Variants in PPP1R12A observed in about 807,000 individuals in gnomAD.
PPP1R12A encodes the protein protein phosphatase 1 regulatory subunit 12A.
In PPP1R12A, 19 loss-of-function variants were observed where a neutral mutation model predicts 139.6. The observed-to-expected ratio is 0.14, with a 90% confidence interval of 0.09 to 0.20. PPP1R12A has a LOEUF of 0.20. Among genes scored for constraint, PPP1R12A ranks in the 10% least tolerant of loss-of-function variants. PPP1R12A has a pLI of 1.00. For synonymous variants in PPP1R12A, 427 were observed against 420.6 expected (o/e 1.02, Z -0.19); for missense variants, 925 against 1,211.5 (o/e 0.76, Z 3.51).
intron 21 of PPP1R12A, chr12:79,787,860 TTC>T (rs1335058681): frequency 2.0e-5 from 3 of 152,232 alleles, no homozygotes; most frequent in African/African-American, 7.2e-5. Flanking sequence ...AAAATTGCTT[TTC>T]TACTTCAAGT....
At chr12:79,788,613 AC>A (rs1871404664) in intron 21 of PPP1R12A, 34 bp downstream of exon 21, 2 of 1,536,818 alleles carry the variant, frequency 1.3e-6, no homozygotes, top group Non-Finnish European at 1.8e-6. Flanking sequence ...ATAAAAGATA[AC>A]TTTTTATTAA....
chr12:79,849,550 G>T (rs2656029), intron 2 of PPP1R12A, among the ~76,000 whole-genome samples: 1 of 152,052 alleles, frequency 6.6e-6, no homozygotes, highest in African/African-American at 2.4e-5. Context: ...GAAGCTACTT[G>T]TGTGGCTATT....
At chr12:79,802,194 A>G (rs1873270260) in intron 14 of PPP1R12A, among the ~76,000 whole-genome samples, 1 of 152,332 alleles carries the variant, frequency 6.6e-6, no homozygotes, top group East Asian at 1.9e-4. Context: ...AAGGTCTGTG[A>G]TACAATCAGA....
intron 3 of PPP1R12A, 171 bp from the exon 4 acceptor site, chr12:79,832,662 T>C: frequency 1.9e-6 from 1 of 522,124 alleles, no homozygotes; most frequent in Non-Finnish European, 3.1e-6. Context: ...GGGGATATTG[T>C]AGACCTTGTA....
At chr12:79,815,092 C>A (rs1306538530) in intron 9 of PPP1R12A, among the ~76,000 whole-genome samples, 1 of 152,100 alleles carries the variant, frequency 6.6e-6, no homozygotes, top group South Asian at 2.1e-4. Context: ...TAAAGTATTT[C>A]TTTTCAGTTA....
In PPP1R12A at chr12:79,776,906, T is replaced by C. The variant is rs148085018; in HGVS notation, c.3007-891A>G. Among the ~76,000 whole-genome samples the C allele has an allele frequency of 2.6e-4, 40 of 152,286 alleles. No individual in the cohort carries two copies. In the East Asian group the frequency reaches 5.2e-3, roughly 20 times the overall value. On this transcript the variant is annotated intron_variant, in intron 24 of 24. Transcript: ENST00000450142. ...AGTTTTCAAAATGTATTAGTTTATCTAACTTGATAAAAGTAAAACTTCTAT... is the reference window on the plus strand; with the variant it reads ...AGTTTTCAAAATGTATTAGTTTATCCAACTTGATAAAAGTAAAACTTCTAT...
chr12:79,802,266 C>T (rs1487404977), intron 14 of PPP1R12A, among the ~76,000 whole-genome samples: 2 of 152,144 alleles, frequency 1.3e-5, no homozygotes, highest in Non-Finnish European at 2.9e-5. Context: ...AATAGAGAAT[C>T]CTCCACCCCT....
At chr12:79,876,579 A>G (rs1234860504) in intron 1 of PPP1R12A, among the ~76,000 whole-genome samples, 2 of 152,206 alleles carry the variant, frequency 1.3e-5, no homozygotes, top group Admixed American at 6.5e-5. Context: ...CTAGTTTATC[A>G]ACACATTTCT....
chr12:79,927,994 A>G (rs1887973633), intron 1 of PPP1R12A, among the ~76,000 whole-genome samples: 2 of 152,246 alleles, frequency 1.3e-5, no homozygotes, highest in Non-Finnish European at 2.9e-5. Flanking sequence ...ATATAGTGTC[A>G]AGAAGTAACA....
chr12:79,777,482 C>A, intron 24 of PPP1R12A: 6 of 985,318 alleles, frequency 6.1e-6, no homozygotes, highest in Non-Finnish European at 7.2e-6. Flanking sequence ...AAAACACCTG[C>A]CTGGCTCTAC....
At chr12:79,779,596 A>G in intron 23 of PPP1R12A, 1 of 335,452 alleles carries the variant, frequency 3.0e-6, no homozygotes, top group Non-Finnish European at 5.9e-6. Flanking sequence ...ATTATTTTCA[A>G]TACATAGATC....
intron 2 of PPP1R12A, among the ~76,000 whole-genome samples, chr12:79,864,852 G>C (rs1881785757): frequency 6.6e-6 from 1 of 152,160 alleles, no homozygotes; most frequent in African/African-American, 2.4e-5. Context: ...AAAAAGTCCA[G>C]GACCAGATGG....
intron 3 of PPP1R12A, among the ~76,000 whole-genome samples, chr12:79,838,425 A>T (rs1274718250): frequency 6.6e-6 from 1 of 152,266 alleles, no homozygotes; most frequent in Non-Finnish European, 1.5e-5. Flanking sequence ...AGAAATTTGC[A>T]TAAGTAACGA....
At chr12:79,875,777 G>A (rs1883042514) in intron 1 of PPP1R12A, among the ~76,000 whole-genome samples, 1 of 152,108 alleles carries the variant, frequency 6.6e-6, no homozygotes, top group Admixed American at 6.6e-5. Flanking sequence ...TTTAAAAAGT[G>A]GTTCTAATAC....
chr12:79,809,543 A>G (rs757985521), intron 10 of PPP1R12A, among the ~76,000 whole-genome samples: 1 of 152,206 alleles, frequency 6.6e-6, no homozygotes, highest in Non-Finnish European at 1.5e-5. Flanking sequence ...CAGTTCTATT[A>G]TAAATTCTCA....
At chr12:79,901,545 G>A (rs1885643760) in intron 1 of PPP1R12A, among the ~76,000 whole-genome samples, 2 of 151,582 alleles carry the variant, frequency 1.3e-5, no homozygotes, top group South Asian at 4.2e-4. Flanking sequence ...AAAGTGCACA[G>A]CTTCCTTAAA....
At chr12:79,801,416 T>TCTCAATTTG (rs1491285022) in intron 14 of PPP1R12A, among the ~76,000 whole-genome samples, 1 of 147,386 alleles carries the variant, frequency 6.8e-6, no homozygotes, top group Non-Finnish European at 1.5e-5. Flanking sequence ...TTAACATTCT[T>TCTCAATTTG]CTCAATTTGT....
intron 10 of PPP1R12A, among the ~76,000 whole-genome samples, chr12:79,808,926 G>A (rs1874185947): frequency 1.3e-5 from 2 of 151,934 alleles, no homozygotes; most frequent in South Asian, 2.1e-4. Flanking sequence ...TTCAAATATT[G>A]TTCACTGAGA....
chr12:79,932,032 G>T (rs1888290745), intron 1 of PPP1R12A, among the ~76,000 whole-genome samples: 1 of 152,144 alleles, frequency 6.6e-6, no homozygotes, highest in African/African-American at 2.4e-5. Context: ...TGTGGGTTGT[G>T]ATGTTCCTAA....
Sources: allele counts gnomAD v4.1 joint callset (sites outside exome capture counted in the v4.1 genomes callset), GRCh38; gene constraint gnomAD v4.1.1; transcripts MANE v1.5; gene names NCBI Gene and HGNC (gene_info 2026-07-23, HGNC 2026-07-21).